The following RBMS1 variants were observed in gnomAD, a reference collection of about 807,000 sequenced individuals.
RBMS1 encodes the protein RNA-binding motif, single-stranded-interacting protein 1.
A neutral mutation model predicts 62.3 loss-of-function variants in RBMS1; 17 were observed. The observed-to-expected ratio is 0.27, with a 90% CI of 0.19 to 0.41. The LOEUF (loss-of-function observed/expected upper bound fraction) is 0.41, where lower values mean the gene tolerates loss of function less well. Among genes scored for constraint, RBMS1 ranks in the 10% least tolerant of loss-of-function variants. RBMS1 has a pLI of 1.00. For synonymous variants in RBMS1, 172 were observed against 170.0 expected (o/e 1.01, Z -0.09); for missense variants, 334 against 504.5 (o/e 0.66, Z 3.24).
intron 2 of RBMS1, among the ~76,000 whole-genome samples, chr2:160,336,102 TAAC>T (rs1026226768): frequency 2.3e-4 from 35 of 152,118 alleles, no homozygotes; most frequent in African/African-American, 8.2e-4. Flanking sequence ...TTGGCAAAGA[TAAC>T]AACAACAACA....
chr2:160,275,030 C>T (rs1687756599), intron 13 of RBMS1, among the ~76,000 whole-genome samples: 1 of 152,138 alleles, frequency 6.6e-6, no homozygotes, highest in Non-Finnish European at 1.5e-5. Context: ...ATCAAAAATA[C>T]ATGTTATCAC....
chr2:160,386,495 C>T (rs749979629), intron 1 of RBMS1, among the ~76,000 whole-genome samples: 2 of 150,494 alleles, frequency 1.3e-5, no homozygotes, highest in Non-Finnish European at 2.9e-5. Context: ...GAGCTGAGAT[C>T]GTGCTATTGC....
intron 3 of RBMS1, among the ~76,000 whole-genome samples, 195 bp downstream of exon 3, chr2:160,317,974 G>A (rs148076191): frequency 0.011 from 1,669 of 152,212 alleles, 16 homozygotes; most frequent in Non-Finnish European, 0.016. Flanking sequence ...GCTAGCTGCT[G>A]TTGGGTTTGT....
chr2:160,449,900 C>T (rs1683890175), intron 1 of RBMS1, among the ~76,000 whole-genome samples: 4 of 152,046 alleles, frequency 2.6e-5, no homozygotes, highest in Admixed American at 2.0e-4. Flanking sequence ...TGTGGCTCTC[C>T]CCTTCACCAA....
At chr2:160,450,266 G>A (rs1004663049) in intron 1 of RBMS1, among the ~76,000 whole-genome samples, 1 of 152,174 alleles carries the variant, frequency 6.6e-6, no homozygotes, top group African/African-American at 2.4e-5. Flanking sequence ...CATTGGCCAG[G>A]TGCTGTGGCT....
intron 2 of RBMS1, among the ~76,000 whole-genome samples, chr2:160,356,114 GCA>G (rs1692785960): frequency 6.6e-6 from 1 of 152,008 alleles, no homozygotes; most frequent in Admixed American, 6.6e-5. Flanking sequence ...TTTCATATAT[GCA>G]CAAACCCTCT....
chr2:160,433,957 G>C (rs999092611), intron 1 of RBMS1, among the ~76,000 whole-genome samples: 1 of 152,168 alleles, frequency 6.6e-6, no homozygotes, highest in African/African-American at 2.4e-5. Context: ...TGGATTATGT[G>C]ATAAGGACTC....
At chr2:160,322,641 T>C (rs753350375) in intron 2 of RBMS1, among the ~76,000 whole-genome samples, 3 of 152,200 alleles carry the variant, frequency 2.0e-5, no homozygotes, top group Admixed American at 1.3e-4. Context: ...AGCTGCTTAT[T>C]TGGATTTACC....
chr2:160,439,656 G>A (rs1408166328), intron 1 of RBMS1, among the ~76,000 whole-genome samples: 2 of 152,112 alleles, frequency 1.3e-5, no homozygotes, highest in Non-Finnish European at 2.9e-5. Flanking sequence ...ACGGGGTGGC[G>A]GCCGGGCAGA....
chr2:160,458,525 G>A (rs773726214), intron 1 of RBMS1, among the ~76,000 whole-genome samples: 8 of 152,114 alleles, frequency 5.3e-5, no homozygotes, highest in Non-Finnish European at 1.0e-4. Context: ...GGCCGGGCAC[G>A]GTGGCTCACA....
rs539987866 is a variant in RBMS1, at chr2:160,370,781, C to T, written c.76-3390G>A. 4.7e-4 allele frequency among the ~76,000 whole-genome samples: 71 copies of T among 152,284 alleles called. 2 individuals are homozygous for T. Among genetic ancestry groups the T allele is most frequent in the South Asian group, 2.9e-3 (14 of 4,824 alleles). On this transcript the variant is annotated intron_variant, in intron 1 of 13. Coordinates refer to ENST00000348849, the MANE Select transcript of RBMS1 (RefSeq NM_016836.4). ...GCCCATCATTTTTGCTGACTAATTACCAAATTCCAGCTTCTCTGAAATTTG... is the reference window on the plus strand; with the variant it reads ...GCCCATCATTTTTGCTGACTAATTATCAAATTCCAGCTTCTCTGAAATTTG...
At chr2:160,451,752 G>GT (rs1299800236) in intron 1 of RBMS1, among the ~76,000 whole-genome samples, 1 of 151,998 alleles carries the variant, frequency 6.6e-6, no homozygotes, top group African/African-American at 2.4e-5. Flanking sequence ...GGGATTACAG[G>GT]TGTGCGCCAC....
intron 1 of RBMS1, among the ~76,000 whole-genome samples, chr2:160,406,567 C>T (rs1414910150): frequency 1.3e-5 from 2 of 152,332 alleles, no homozygotes; most frequent in Admixed American, 1.3e-4. Flanking sequence ...CAACAAGCAT[C>T]TTGCCACTGA....
In RBMS1 at chr2:160,303,400, A is replaced by G; in HGVS notation, c.490T>C (p.Phe164Leu). Reference protein sequence around the residue: ...EQELENMLKPFGQVISTRILR... With the variant: ...EQELENMLKPLGQVISTRILR... ...ATCCTTGTAGAAATAACTTGTCCAA[A>G]TGGTTTGAGCATATTTTCTAGTTCT... The change falls in exon 5 of 14, where the codon TTT (phenylalanine) becomes CTT (leucine). Residue 164 changes from phenylalanine to leucine, a missense_variant. Physicochemically the swap from Phe to Leu is conservative, Grantham distance 22. Coordinates refer to ENST00000348849, the MANE Select transcript of RBMS1 (RefSeq NM_016836.4). The G allele has an allele frequency of 5.0e-6, 8 of 1,613,714 alleles. No individual in the cohort carries two copies. The highest frequency in any genetic ancestry group is 6.8e-6 in the Non-Finnish European group (8 of 1,179,756).
At chr2:160,296,745 C>T (rs928316411) in intron 6 of RBMS1, among the ~76,000 whole-genome samples, 42 of 152,176 alleles carry the variant, frequency 2.8e-4, no homozygotes, top group African/African-American at 1.7e-4. Context: ...GTTCAATTCA[C>T]TGAATCTATT....
Position 160,278,556 on chromosome 2 carries a change from T to C in RBMS1, c.1054A>G (p.Thr352Ala), listed in dbSNP as rs202007897. 1 of 1,612,214 alleles carries C rather than the reference T, an allele frequency of 6.2e-7. No individual in the cohort carries two copies. The highest frequency in any genetic ancestry group is 8.5e-7 in the Non-Finnish European group (1 of 1,178,572). The change falls in exon 11 of 14, where the codon ACC (threonine) becomes GCC (alanine). Residue 352 changes from threonine to alanine, a missense_variant. Around this residue, in one of 3 missense-constraint regions of RBMS1, gnomAD observed 182 missense variants for 257.7 expected, o/e 0.71. Transcript: ENST00000348849. ...QQMSHLSLGS[T>A]GTYMPATSAM... The stretch of plus-strand genomic sequence containing the variant: ...AATTATTTGCCACCTACTGTTCCGG[T>C]GCTGCCTAGTGACAGATGACTCATC...
At chr2:160,352,717 CATGCTCAAACAA>C (rs1219501415) in intron 2 of RBMS1, among the ~76,000 whole-genome samples, 4 of 152,124 alleles carry the variant, frequency 2.6e-5, no homozygotes, top group Non-Finnish European at 5.9e-5. Context: ...ACACATCCAT[CATGCTCAAACAA>C]ATGCCAGGCC....
intron 2 of RBMS1, among the ~76,000 whole-genome samples, chr2:160,321,256 T>C (rs979296398): frequency 6.6e-6 from 1 of 152,174 alleles, no homozygotes; most frequent in South Asian, 2.1e-4. Flanking sequence ...GCTCTGCCAG[T>C]GCACCTCCCT....
chr2:160,484,678 T>C (rs1013468970), intron 1 of RBMS1, among the ~76,000 whole-genome samples: 1 of 151,386 alleles, frequency 6.6e-6, no homozygotes, highest in Non-Finnish European at 1.5e-5. Context: ...GAGACCATCC[T>C]GGCTAACATG....
Sources: allele counts gnomAD v4.1 joint callset (sites outside exome capture counted in the v4.1 genomes callset), GRCh38; gene constraint gnomAD v4.1.1; regional missense constraint gnomAD v4.1.1; transcripts MANE v1.5; gene names NCBI Gene and HGNC (gene_info 2026-07-23, HGNC 2026-07-21).